Variants in GPR141 observed in about 807,000 individuals in gnomAD.
GPR141 encodes the protein probable G protein-coupled receptor 141.
GPR141 carries 6 observed loss-of-function variants against 6.8 expected under a neutral mutation model. That is an observed-to-expected ratio of 0.88 (90% confidence interval 0.48 to 1.74). The LOEUF (loss-of-function observed/expected upper bound fraction) is 1.74. GPR141 is among the 40% of genes most tolerant of loss of function. The probability of loss-of-function intolerance (pLI) is 0.01; values close to 1 mark genes in which losing one functional copy is unlikely to be tolerated. For missense variants in GPR141, 372 were observed against 372.9 expected, an observed-to-expected ratio of 1.00 and a Z score of 0.02; for synonymous variants, 140 against 142.3, an observed-to-expected ratio of 0.98 and a Z score of 0.11.
chr7:37,724,389 G>C (rs1251234774), intron 2 of GPR141, among the ~76,000 whole-genome samples: 2 of 152,150 alleles, frequency 1.3e-5, no homozygotes, highest in African/African-American at 4.8e-5. Flanking sequence ...GACTGTGAGA[G>C]AGAGTTCGAA....
intron 2 of GPR141, among the ~76,000 whole-genome samples, chr7:37,733,516 C>A (rs1269402702): frequency 3.3e-5 from 5 of 151,410 alleles, no homozygotes; most frequent in Non-Finnish European, 7.4e-5. Flanking sequence ...TACTATAATA[C>A]AAAAAATAAG....
chr7:37,734,932 A>C (rs942006652), intron 2 of GPR141, among the ~76,000 whole-genome samples: 1 of 152,244 alleles, frequency 6.6e-6, no homozygotes, highest in African/African-American at 2.4e-5. Flanking sequence ...AAATAACAGT[A>C]CTATAACATA....
intron 2 of GPR141, among the ~76,000 whole-genome samples, chr7:37,696,825 C>T (rs1016441984): frequency 6.6e-6 from 1 of 151,972 alleles, no homozygotes; most frequent in African/African-American, 2.4e-5. Context: ...TTGATGCCTA[C>T]TCTCTCTCTC....
chr7:37,713,149 A>G (rs1180359353), intron 2 of GPR141, among the ~76,000 whole-genome samples: 1 of 152,210 alleles, frequency 6.6e-6, no homozygotes, highest in Non-Finnish European at 1.5e-5. Context: ...ATGCTCCTAC[A>G]GTGGAAGAAA....
At chr7:37,712,967 G>A (rs1392235552) in intron 2 of GPR141, among the ~76,000 whole-genome samples, 1 of 152,136 alleles carries the variant, frequency 6.6e-6, no homozygotes, top group South Asian at 2.1e-4. Flanking sequence ...AAAACCAGGG[G>A]CTAGCCCAGC....
At chr7:37,708,470 G>C (rs1810642779) in intron 2 of GPR141, among the ~76,000 whole-genome samples, 1 of 152,046 alleles carries the variant, frequency 6.6e-6, no homozygotes, top group Non-Finnish European at 1.5e-5. Context: ...GTCCCAATAA[G>C]GTGCCATGTT....
chr7:37,692,327 C>T lies in GPR141; in HGVS notation c.-15+6744C>T, dbSNP rs568745787. Among the ~76,000 whole-genome samples the T allele has an allele frequency of 2.0e-5, 3 of 152,302 alleles. No individual in the cohort carries two copies. In the East Asian group the frequency reaches 5.8e-4, roughly 29 times the overall value. ...CATATCCCTGCAAAAAACATGAACG[C>T]ATCCTTTTTTATGGCTGCATAGTAT... On this transcript the variant is annotated intron_variant, in intron 2 of 2. Coordinates refer to ENST00000334425, the MANE Select transcript of GPR141 (RefSeq NM_001381946.1).
At chr7:37,700,106 A>G (rs1810211893) in intron 2 of GPR141, among the ~76,000 whole-genome samples, 1 of 152,166 alleles carries the variant, frequency 6.6e-6, no homozygotes, top group East Asian at 1.9e-4. Flanking sequence ...TGGTGCTGAA[A>G]CTCACACTTT....
chr7:37,737,067 AAC>A (rs1040523763), intron 2 of GPR141, among the ~76,000 whole-genome samples: 32 of 152,304 alleles, frequency 2.1e-4, no homozygotes, highest in Admixed American at 7.2e-4. Context: ...TTCTATTTAC[AAC>A]ACACACATTT....
intron 2 of GPR141, among the ~76,000 whole-genome samples, chr7:37,699,347 G>A (rs1313593896): frequency 6.6e-6 from 1 of 152,168 alleles, no homozygotes; most frequent in East Asian, 1.9e-4. Context: ...GGATCACGAG[G>A]TCAGGAGATC....
chr7:37,733,599 G>A (rs192532200), intron 2 of GPR141, among the ~76,000 whole-genome samples: 34 of 150,528 alleles, frequency 2.3e-4, no homozygotes, highest in Non-Finnish European at 3.8e-4. Flanking sequence ...TTGAAGCCGG[G>A]AGGCGGAGGT....
intron 2 of GPR141, among the ~76,000 whole-genome samples, chr7:37,721,222 C>T: frequency 6.7e-6 from 1 of 150,106 alleles, no homozygotes; most frequent in East Asian, 1.9e-4. Flanking sequence ...CAGAAAGTTG[C>T]TTAACTTTTC....
intron 2 of GPR141, among the ~76,000 whole-genome samples, chr7:37,713,742 G>C (rs1810916509): frequency 6.6e-6 from 1 of 152,124 alleles, no homozygotes. Context: ...ATACCCATCA[G>C]TTATATATTT....
intron 2 of GPR141, among the ~76,000 whole-genome samples, chr7:37,738,542 G>A (rs1049474980): frequency 6.6e-6 from 1 of 152,106 alleles, no homozygotes; most frequent in African/African-American, 2.4e-5. Flanking sequence ...TGAGACAGCT[G>A]TTGCAGAGCC....
At chr7:37,733,672 A>G (rs1160552526) in intron 2 of GPR141, among the ~76,000 whole-genome samples, 1 of 26,456 alleles carries the variant, frequency 3.8e-5, no homozygotes, top group Non-Finnish European at 1.2e-4. Context: ...ACTCCATCTC[A>G]AAAAAAAAAA....
At chr7:37,691,881 GT>G (rs1263354928) in intron 2 of GPR141, among the ~76,000 whole-genome samples, 1 of 152,216 alleles carries the variant, frequency 6.6e-6, no homozygotes, top group East Asian at 1.9e-4. Flanking sequence ...TAAGAAATGT[GT>G]TGTTAATCTA....
chr7:37,714,240 A>G (rs1810945359), intron 2 of GPR141, among the ~76,000 whole-genome samples: 1 of 152,162 alleles, frequency 6.6e-6, no homozygotes, highest in South Asian at 2.1e-4. Context: ...AGAGATTTAC[A>G]GGGACTGGGA....
intron 2 of GPR141, among the ~76,000 whole-genome samples, chr7:37,704,530 GA>G (rs1420120517): frequency 6.6e-6 from 1 of 152,084 alleles, no homozygotes; most frequent in Non-Finnish European, 1.5e-5. Context: ...CAGCATGGGG[GA>G]AACCACCCCC....
intron 2 of GPR141, among the ~76,000 whole-genome samples, chr7:37,706,555 C>T (rs776613532): frequency 1.3e-5 from 2 of 152,082 alleles, no homozygotes; most frequent in Non-Finnish European, 2.9e-5. Flanking sequence ...TAGTTCCTTC[C>T]GCTCATCTGG....
Sources: allele counts gnomAD v4.1 joint callset (sites outside exome capture counted in the v4.1 genomes callset), GRCh38; gene constraint gnomAD v4.1.1; transcripts MANE v1.5; gene names NCBI Gene and HGNC (gene_info 2026-07-23, HGNC 2026-07-21).